Variants in CMSS1 observed in about 807,000 individuals in gnomAD.
CMSS1 encodes the protein protein CMSS1.
CMSS1 carries 33 observed loss-of-function variants against 43.5 expected under a neutral mutation model. That is an observed-to-expected ratio of 0.76 (90% confidence interval 0.57 to 1.01). The LOEUF is 1.01. Among genes scored for constraint, CMSS1 ranks in the 50% least tolerant of loss-of-function variants. CMSS1 has a pLI of 0.00. For missense variants in CMSS1, 313 were observed against 326.4 expected (o/e 0.96, Z 0.32); for synonymous variants, 115 against 117.2 (o/e 0.98, Z 0.12).
intron 1 of CMSS1, among the ~76,000 whole-genome samples, chr3:99,995,361 A>G (rs1415567303): frequency 1.3e-5 from 2 of 152,146 alleles, no homozygotes; most frequent in Admixed American, 1.3e-4. Context: ...GTGGGTTCCC[A>G]TGGTCTTAGG....
chr3:100,178,680 C>T lies in CMSS1; in HGVS notation c.*292C>T. The T allele has an allele frequency of 3.9e-6, 1 of 258,248 alleles. No homozygotes were observed. The highest frequency in any genetic ancestry group is 8.0e-5 in the East Asian group (1 of 12,476). 16.0% of individuals were successfully genotyped at this position (258,248 alleles called of 1,614,324 possible). ...CTGTGCAGGAGAAAGGAAAGAGCAG[C>T]TGGGTGACCTTAGGCAAGCGTAAGG... On this transcript the variant is annotated 3_prime_UTR_variant, in exon 10 of 10. Coordinates refer to ENST00000421999, the MANE Select transcript of CMSS1 (RefSeq NM_032359.4).
chr3:100,094,799 T>A (rs1220994793), intron 1 of CMSS1, among the ~76,000 whole-genome samples: 2 of 145,806 alleles, frequency 1.4e-5, no homozygotes, highest in Non-Finnish European at 3.0e-5. Flanking sequence ...TTCTCCTGCC[T>A]CAGCCTCCCA....
intron 1 of CMSS1, among the ~76,000 whole-genome samples, chr3:100,018,728 C>T (rs929578936): frequency 4.3e-5 from 4 of 92,684 alleles, no homozygotes; most frequent in African/African-American, 7.9e-5. Context: ...TAAAAGTTTC[C>T]GCATAGCAAA....
intron 1 of CMSS1, among the ~76,000 whole-genome samples, chr3:100,104,209 C>T (rs577758649): frequency 1.3e-5 from 2 of 152,248 alleles, no homozygotes; most frequent in East Asian, 3.9e-4. Flanking sequence ...GTAGGGACTG[C>T]AAAGAAGCTT....
intron 1 of CMSS1, among the ~76,000 whole-genome samples, chr3:99,906,879 T>C (rs947125178): frequency 6.6e-6 from 1 of 152,196 alleles, no homozygotes; most frequent in African/African-American, 2.4e-5. Context: ...CTCCCTACCA[T>C]GCCCTATAAC....
At chr3:100,155,705 T>TCC (rs2066965594) in intron 2 of CMSS1, among the ~76,000 whole-genome samples, 1 of 152,232 alleles carries the variant, frequency 6.6e-6, no homozygotes, top group African/African-American at 2.4e-5. Flanking sequence ...AGTAAATTTT[T>TCC]TGAGACTTCA....
At chr3:100,050,243 G>A (rs1317600794) in intron 1 of CMSS1, among the ~76,000 whole-genome samples, 4 of 152,124 alleles carry the variant, frequency 2.6e-5, no homozygotes, top group Non-Finnish European at 4.4e-5. Flanking sequence ...ACACTGTGGT[G>A]CTGTATTAAC....
At chr3:99,994,248 A>C (rs975900576) in intron 1 of CMSS1, among the ~76,000 whole-genome samples, 1 of 152,230 alleles carries the variant, frequency 6.6e-6, no homozygotes, top group Non-Finnish European at 1.5e-5. Flanking sequence ...AAAGATTACT[A>C]GACCTAAAGA....
At chr3:100,003,411 A>C (rs1709898636) in intron 1 of CMSS1, among the ~76,000 whole-genome samples, 1 of 152,148 alleles carries the variant, frequency 6.6e-6, no homozygotes, top group South Asian at 2.1e-4. Context: ...CAGTTTAACC[A>C]ATGCACCTAG....
At chr3:100,108,286 T>C (rs1032491295) in intron 1 of CMSS1, among the ~76,000 whole-genome samples, 14 of 152,188 alleles carry the variant, frequency 9.2e-5, no homozygotes, top group African/African-American at 3.4e-4. Flanking sequence ...TTATTTTTTA[T>C]AGATCCAAGG....
intron 1 of CMSS1, among the ~76,000 whole-genome samples, chr3:100,142,112 G>A (rs924509318): frequency 6.6e-6 from 1 of 152,084 alleles, no homozygotes; most frequent in African/African-American, 2.4e-5. Context: ...ATGTTAAAAG[G>A]TGTCACATAA....
At chr3:100,075,176 AGAAATGATCAACCT>A (rs1164521940) in intron 1 of CMSS1, among the ~76,000 whole-genome samples, 2 of 152,246 alleles carry the variant, frequency 1.3e-5, no homozygotes, top group African/African-American at 2.4e-5. Flanking sequence ...CGTCAAAACC[AGAAATGATCAACCT>A]GAAACACTTC....
intron 1 of CMSS1, among the ~76,000 whole-genome samples, chr3:100,071,627 A>G (rs1171453752): frequency 1.3e-5 from 2 of 152,162 alleles, no homozygotes; most frequent in Non-Finnish European, 1.5e-5. Flanking sequence ...TTGGAAGTCA[A>G]CTTCTGGACA....
chr3:100,107,038 C>G (rs1335161985), intron 1 of CMSS1, among the ~76,000 whole-genome samples: 1 of 152,128 alleles, frequency 6.6e-6, no homozygotes, highest in Non-Finnish European at 1.5e-5. Context: ...GATTTTGTTA[C>G]ACAGCCAAGA....
chr3:100,052,104 G>T (rs2065384438), intron 1 of CMSS1, among the ~76,000 whole-genome samples: 1 of 151,920 alleles, frequency 6.6e-6, no homozygotes, highest in Non-Finnish European at 1.5e-5. Flanking sequence ...GCTACTAATG[G>T]GCATAATTTG....
rs1413531387 is a variant in CMSS1 at position 100,160,615 on chromosome 3, T to C, written c.225+114T>C. The C allele has an allele frequency of 4.7e-5, 28 of 599,620 alleles. No individual in the cohort carries two copies. In the East Asian group the frequency reaches 6.4e-4, roughly 14 times the overall value. The allele number at this position is 599,620 out of a possible 1,614,324, so 37.1% of individuals were successfully genotyped here. A position where few individuals can be genotyped will look rare whatever the true frequency, so the allele number is the denominator to read the frequency against. ...AATCCCCACCTAAGAGATGCAGACA[T>C]TGTAAGATTCTTTGAGGTTTGGTGA... On this transcript the variant is annotated intron_variant, in intron 3 of 9. Transcript: ENST00000421999.
chr3:100,018,497 G>A (rs1258230086), intron 1 of CMSS1, among the ~76,000 whole-genome samples: 1 of 152,024 alleles, frequency 6.6e-6, no homozygotes, highest in African/African-American at 2.4e-5. Context: ...GAAATGGATA[G>A]CCACATGCAG....
chr3:100,144,724 G>A (rs1201637101), intron 1 of CMSS1, among the ~76,000 whole-genome samples: 1 of 152,188 alleles, frequency 6.6e-6, no homozygotes, highest in Non-Finnish European at 1.5e-5. Flanking sequence ...TTCCTCTTTC[G>A]TGGTCATTTT....
intron 1 of CMSS1, among the ~76,000 whole-genome samples, chr3:100,100,991 TGTGATGACAGTGGCA>T (rs1393963733): frequency 6.6e-6 from 1 of 152,148 alleles, no homozygotes; most frequent in East Asian, 1.9e-4. Context: ...GAAGAAAGTG[TGTGATGACAGTGGCA>T]TCTCACTTGC....
Sources: gnomAD v4.1 joint callset for allele counts (sites outside exome capture counted in the v4.1 genomes callset) on GRCh38, gnomAD v4.1.1 for gene constraint, MANE v1.5 for transcripts, NCBI Gene and HGNC (gene_info 2026-07-23, HGNC 2026-07-21) for gene names.